PCDH15: variants seen among roughly 807,000 people sequenced by gnomAD.
The protein encoded by PCDH15 is protocadherin-15.
PCDH15 carries 129 observed loss-of-function variants against 178.5 expected under a neutral mutation model. That is an observed-to-expected ratio of 0.72 (90% CI 0.63 to 0.84). PCDH15 has a LOEUF of 0.84. Ranked by LOEUF, PCDH15 falls within the 40% of genes least tolerant of loss-of-function variation. The probability of loss-of-function intolerance (pLI) is 0.00; values close to 1 mark genes in which losing one functional copy is unlikely to be tolerated. For missense variants in PCDH15, 2,230 were observed against 2,099.9 expected (o/e 1.06, Z -1.21); for synonymous variants, 800 against 732.0 (o/e 1.09, Z -1.50).
At chr10:54,032,445 T>C (rs2093320232) in intron 18 of PCDH15, among the ~76,000 whole-genome samples, 1 of 152,040 alleles carries the variant, frequency 6.6e-6, no homozygotes. Context: ...TGCAATGACA[T>C]AGGTTAGATA....
chr10:54,639,220 CAT>C (rs1418681654), intron 2 of PCDH15, among the ~76,000 whole-genome samples: 2 of 152,140 alleles, frequency 1.3e-5, no homozygotes, highest in Admixed American at 6.5e-5. Context: ...ACATTGTACA[CAT>C]GTTGCCACTT....
intron 2 of PCDH15, among the ~76,000 whole-genome samples, chr10:54,933,751 T>G (rs768186832): frequency 3.9e-5 from 6 of 152,154 alleles, no homozygotes; most frequent in Non-Finnish European, 8.8e-5. Flanking sequence ...AATTATGGAT[T>G]CCATGTGCAA....
chr10:54,385,759 ATAAAC>A (rs1429421715), intron 3 of PCDH15, among the ~76,000 whole-genome samples: 1 of 152,188 alleles, frequency 6.6e-6, no homozygotes, highest in Non-Finnish European at 1.5e-5. Flanking sequence ...AAAAAATCAA[ATAAAC>A]TAACTAAATT....
At chr10:54,623,862 C>A (rs112308473) in intron 2 of PCDH15, among the ~76,000 whole-genome samples, 1 of 151,974 alleles carries the variant, frequency 6.6e-6, no homozygotes, top group African/African-American at 2.4e-5. Flanking sequence ...ATTAGCTACT[C>A]GCTTTGATCT....
intron 2 of PCDH15, among the ~76,000 whole-genome samples, chr10:55,521,026 G>A (rs139991765): frequency 1.3e-5 from 2 of 151,966 alleles, no homozygotes; most frequent in African/African-American, 4.8e-5. Context: ...CAGTCACCAT[G>A]CTGTATATTA....
intron 2 of PCDH15, among the ~76,000 whole-genome samples, chr10:55,138,561 G>T (rs1447626530): frequency 1.3e-5 from 2 of 152,222 alleles, no homozygotes; most frequent in African/African-American, 4.8e-5. Flanking sequence ...TCATTCGGGA[G>T]TCAATCTCAG....
At chr10:55,210,883 C>T (rs1403323146) in intron 1 of PCDH15, among the ~76,000 whole-genome samples, 2 of 151,830 alleles carry the variant, frequency 1.3e-5, no homozygotes, top group Non-Finnish European at 2.9e-5. Flanking sequence ...GCCTCGGCCT[C>T]CCAAAATGCT....
intron 21 of PCDH15, among the ~76,000 whole-genome samples, chr10:53,984,696 C>T (rs1382946558): frequency 6.6e-6 from 1 of 151,964 alleles, no homozygotes; most frequent in Admixed American, 6.6e-5. Context: ...ATCTTCAAGG[C>T]ATATTTGTTT....
chr10:53,942,817 G>A (rs1316335395), intron 23 of PCDH15, among the ~76,000 whole-genome samples: 1 of 152,126 alleles, frequency 6.6e-6, no homozygotes, highest in South Asian at 2.1e-4. Context: ...ACCCATGCCT[G>A]GATTCCTGAC....
chr10:54,139,610 A>ATGTTCACTAAAGTTT (rs1160025592), intron 14 of PCDH15, among the ~76,000 whole-genome samples: 3 of 152,150 alleles, frequency 2.0e-5, no homozygotes, highest in African/African-American at 7.2e-5. Flanking sequence ...TGCTTCTCAG[A>ATGTTCACTAAAGTTT]TGTTCACTAA....
intron 13 of PCDH15, among the ~76,000 whole-genome samples, chr10:54,165,337 A>C (rs951458823): frequency 6.6e-6 from 1 of 152,188 alleles, no homozygotes; most frequent in Non-Finnish European, 1.5e-5. Context: ...TAACATTAAT[A>C]ATAACATGAT....
intron 5 of PCDH15, among the ~76,000 whole-genome samples, chr10:54,359,238 T>C (rs1170006121): frequency 6.6e-6 from 1 of 151,942 alleles, no homozygotes. Flanking sequence ...GCTCTAACTT[T>C]TTAAAGCTTA....
chr10:55,274,953 G>C (rs1216767231), intron 1 of PCDH15, among the ~76,000 whole-genome samples: 1 of 152,038 alleles, frequency 6.6e-6, no homozygotes, highest in African/African-American at 2.4e-5. Context: ...ACCTCCTGCT[G>C]TGCGACCCAA....
At chr10:54,219,255 A>G (rs2052483377) in intron 9 of PCDH15, among the ~76,000 whole-genome samples, 1 of 142,168 alleles carries the variant, frequency 7.0e-6, no homozygotes, top group African/African-American at 2.7e-5. Context: ...AGCCTGGGTG[A>G]CAGAGCGAGA....
intron 6 of PCDH15, among the ~76,000 whole-genome samples, chr10:54,331,264 T>C (rs1314150499): frequency 6.6e-6 from 1 of 151,834 alleles, no homozygotes; most frequent in African/African-American, 2.4e-5. Context: ...GTCTCCTTTC[T>C]TTCTTTCTTT....
intron 3 of PCDH15, among the ~76,000 whole-genome samples, chr10:54,810,649 A>G (rs1564528709): frequency 1.3e-5 from 2 of 152,108 alleles, no homozygotes. Context: ...ACAAGTGTCA[A>G]CCCCTAGAGT....
At chr10:55,406,714 G>A (rs1838205055) in intron 2 of PCDH15, among the ~76,000 whole-genome samples, 1 of 152,090 alleles carries the variant, frequency 6.6e-6, no homozygotes, top group African/African-American at 2.4e-5. Flanking sequence ...GGTCTGAGCT[G>A]GACATAGGTA....
rs1203591057 is a variant in PCDH15, at chr10:53,903,275, C to G, written c.3469G>C (p.Ala1157Pro). 3.1e-6 allele frequency: 5 copies of G among 1,613,016 alleles called. No homozygotes were observed. Among genetic ancestry groups the G allele is most frequent in the African/African-American group, 1.3e-5 (1 of 74,898 alleles). ...CTGAGTACAGAAGTAAACATTCTTGCATCTTCAGATACACCTCCGATGTAG... is the reference window on the plus strand; with the variant it reads ...CTGAGTACAGAAGTAAACATTCTTGGATCTTCAGATACACCTCCGATGTAG... ...KFYIGGVSED[A>P]RMFTSVLRVK... is the part of the protein sequence containing the mutation. The change falls in exon 26 of 38, where the codon GCA becomes CCA. Residue 1157 changes from alanine to proline, a missense_variant. By Grantham distance (27) the Ala-to-Pro change is conservative. Coordinates refer to ENST00000644397, the MANE Select transcript of PCDH15 (RefSeq NM_001384140.1).
At chr10:55,538,369 A>C (rs1841633451) in intron 2 of PCDH15, among the ~76,000 whole-genome samples, 1 of 151,256 alleles carries the variant, frequency 6.6e-6, no homozygotes, top group Admixed American at 6.6e-5. Flanking sequence ...ACGAATAGGA[A>C]AGCTTTTCCT....
Sources: allele counts gnomAD v4.1 joint callset (sites outside exome capture counted in the v4.1 genomes callset), GRCh38; gene constraint gnomAD v4.1.1; transcripts MANE v1.5; gene names NCBI Gene and HGNC (gene_info 2026-07-23, HGNC 2026-07-21).